Variants in DNAH9 observed in about 807,000 individuals in gnomAD.
The protein encoded by DNAH9 is dynein axonemal heavy chain 9, also known as DNAH9 variant protein.
In DNAH9, 345 loss-of-function variants were observed where a neutral mutation model predicts 471.6. The observed-to-expected ratio is 0.73, with a 90% CI of 0.67 to 0.80. The LOEUF (loss-of-function observed/expected upper bound fraction) is 0.80, where lower values mean the gene tolerates loss of function less well. Among genes scored for constraint, DNAH9 ranks in the 30% least tolerant of loss-of-function variants. The probability of loss-of-function intolerance (pLI) is 0.00; values close to 1 mark genes in which losing one functional copy is unlikely to be tolerated. For missense variants in DNAH9, 5,407 were observed against 5,609.2 expected (o/e 0.96, Z 1.15); for synonymous variants, 2,093 against 2,123.6 (o/e 0.99, Z 0.40).
At chr17:11,693,724 A>C in intron 20 of DNAH9, 144 bp from the exon 21 acceptor site, 1 of 896,194 alleles carries the variant, frequency 1.1e-6, no homozygotes, top group Non-Finnish European at 1.8e-6. Context: ...AATGCAGCTT[A>C]AACTAAGGGT....
At chr17:11,771,714 C>A (rs549416235) in intron 38 of DNAH9, among the ~76,000 whole-genome samples, 1 of 152,194 alleles carries the variant, frequency 6.6e-6, no homozygotes, top group South Asian at 2.1e-4. Flanking sequence ...AGCCTTGAGT[C>A]CAACAACTGA....
chr17:11,662,528 T>C (rs2073787672), intron 14 of DNAH9, among the ~76,000 whole-genome samples: 1 of 152,056 alleles, frequency 6.6e-6, no homozygotes, highest in South Asian at 2.1e-4. Flanking sequence ...CCCAGATTAT[T>C]TTCTGAATCT....
At chr17:11,731,284 A>T (rs1013912958) in intron 28 of DNAH9, among the ~76,000 whole-genome samples, 5 of 151,856 alleles carry the variant, frequency 3.3e-5, no homozygotes, top group African/African-American at 1.2e-4. Flanking sequence ...AGTGATGAGG[A>T]TGATTACCAT....
chr17:11,737,174 T>C (rs1327798930), intron 28 of DNAH9, among the ~76,000 whole-genome samples: 1 of 152,202 alleles, frequency 6.6e-6, no homozygotes, highest in Non-Finnish European at 1.5e-5. Context: ...AGTCTCAGTT[T>C]CAAACTAATT....
At chr17:11,843,855 G>GTATATATA (rs1329330705) in intron 49 of DNAH9, among the ~76,000 whole-genome samples, 50 of 9,218 alleles carry the variant, frequency 5.4e-3, no homozygotes, top group South Asian at 0.018. Flanking sequence ...GTGTGTGTGT[G>GTATATATA]TGTGTGTGTA....
intron 17 of DNAH9, among the ~76,000 whole-genome samples, chr17:11,671,331 A>G (rs918107157): frequency 5.9e-5 from 9 of 152,126 alleles, no homozygotes; most frequent in Non-Finnish European, 1.3e-4. Flanking sequence ...ATAGATTATT[A>G]CTCATAGTTC....
chr17:11,643,204 C>T (rs1167658426), intron 10 of DNAH9, among the ~76,000 whole-genome samples: 1 of 152,270 alleles, frequency 6.6e-6, no homozygotes, highest in Non-Finnish European at 1.5e-5. Context: ...GAGCCACACT[C>T]TCTTCCGTGG....
chr17:11,761,330 G>T (rs2150865732), intron 35 of DNAH9, among the ~76,000 whole-genome samples: 1 of 152,266 alleles, frequency 6.6e-6, no homozygotes, highest in Admixed American at 6.5e-5. Context: ...TCCTTTATCT[G>T]CCAGTGACCA....
intron 17 of DNAH9, among the ~76,000 whole-genome samples, chr17:11,672,076 C>T (rs531223902): frequency 8.3e-4 from 127 of 152,284 alleles, no homozygotes; most frequent in African/African-American, 2.9e-3. Context: ...ATTATTGTCT[C>T]CTCTGTGCCA....
chr17:11,827,167 G>T (rs1260235636), intron 48 of DNAH9, among the ~76,000 whole-genome samples: 1 of 152,074 alleles, frequency 6.6e-6, no homozygotes, highest in Non-Finnish European at 1.5e-5. Context: ...CTTCTTACCT[G>T]GATGATTTCA....
intron 39 of DNAH9, among the ~76,000 whole-genome samples, chr17:11,782,862 C>T (rs1362386590): frequency 2.0e-5 from 3 of 152,180 alleles, no homozygotes; most frequent in Admixed American, 6.5e-5. Context: ...TGCCATTGCA[C>T]TCCAGCCTGG....
At chr17:11,622,170 G>A (rs1190118219) in intron 6 of DNAH9, among the ~76,000 whole-genome samples, 2 of 152,146 alleles carry the variant, frequency 1.3e-5, no homozygotes. Flanking sequence ...ACAAAAAGTG[G>A]GAACACAAGA....
At chr17:11,938,177 TAAAG>T (rs1412335816) in intron 66 of DNAH9, among the ~76,000 whole-genome samples, 6 of 151,720 alleles carry the variant, frequency 4.0e-5, no homozygotes, top group African/African-American at 7.3e-5. Flanking sequence ...TAGCTGAAGA[TAAAG>T]AAAGAATGGG....
intron 65 of DNAH9, among the ~76,000 whole-genome samples, chr17:11,936,677 A>C (rs1974724552): frequency 6.6e-6 from 1 of 152,170 alleles, no homozygotes; most frequent in Non-Finnish European, 1.5e-5. Context: ...AATAAAACTG[A>C]GCCTTAGCCG....
chr17:11,709,342 T>C (rs1235318577), intron 26 of DNAH9, among the ~76,000 whole-genome samples: 2 of 152,244 alleles, frequency 1.3e-5, no homozygotes, highest in Non-Finnish European at 2.9e-5. Flanking sequence ...AATACTTATA[T>C]GGCAAATTGC....
At chr17:11,635,646 T>C (rs2073148768) in intron 8 of DNAH9, among the ~76,000 whole-genome samples, 1 of 152,160 alleles carries the variant, frequency 6.6e-6, no homozygotes, top group South Asian at 2.1e-4. Context: ...AGTGTATTGG[T>C]ATATCCTAAA....
chr17:11,746,449 A>G (rs1597584387), intron 31 of DNAH9, among the ~76,000 whole-genome samples: 1 of 152,184 alleles, frequency 6.6e-6, no homozygotes, highest in South Asian at 2.1e-4. Flanking sequence ...AGGGCTTGAA[A>G]TGAAGTGTAA....
intron 1 of DNAH9, among the ~76,000 whole-genome samples, chr17:11,600,988 A>G (rs1196339320): frequency 2.0e-5 from 3 of 152,246 alleles, no homozygotes; most frequent in Non-Finnish European, 4.4e-5. Flanking sequence ...GCTCCTGGCT[A>G]GCACCATTCT....
intron 65 of DNAH9, among the ~76,000 whole-genome samples, chr17:11,935,317 A>G (rs932769569): frequency 3.3e-5 from 5 of 150,180 alleles, no homozygotes; most frequent in African/African-American, 1.2e-4. Flanking sequence ...TACCACAGCT[A>G]TGTTTAAAGT....
Sources: allele counts gnomAD v4.1 joint callset (sites outside exome capture counted in the v4.1 genomes callset), GRCh38; gene constraint gnomAD v4.1.1; transcripts MANE v1.5; gene names NCBI Gene and HGNC (gene_info 2026-07-23, HGNC 2026-07-21).